Variants in SYNE2 observed in about 807,000 individuals in gnomAD.
SYNE2 encodes spectrin repeat containing nuclear envelope protein 2, also known as nesprin-2.
Under a neutral mutation model 856.3 loss-of-function variants are expected in SYNE2, and 431 were observed. That is an observed-to-expected ratio of 0.50 (90% CI 0.47 to 0.55). SYNE2 has a LOEUF of 0.55. Among genes scored for constraint, SYNE2 ranks in the 20% least tolerant of loss-of-function variants. SYNE2 has a pLI of 0.00. For missense variants in SYNE2, 8,129 were observed against 8,023.2 expected (o/e 1.01, Z -0.50); for synonymous variants, 2,923 against 2,872.3 (o/e 1.02, Z -0.56).
chr14:63,948,931 A>C (rs2096101310), intron 6 of SYNE2, among the ~76,000 whole-genome samples: 1 of 151,076 alleles, frequency 6.6e-6, no homozygotes, highest in African/African-American at 2.4e-5. Context: ...AGTCTTTCAC[A>C]ATTGCTGCAG....
rs1254539667 is a variant in SYNE2 at position 64,048,396 on chromosome 14, CTT to C, written c.7377+242_7377+243del. ...TTCTATTTCACAAAGTTCCTAAAGA[CTT>C]AGTGAGAAAATTTGGAGATTTTGAC... On this transcript the variant is annotated intron_variant, in intron 46 of 115. Coordinates refer to ENST00000555002, the MANE Select transcript of SYNE2 (RefSeq NM_182914.3). 3 of 323,558 alleles carry C rather than the reference CTT, an allele frequency of 9.3e-6. No individual in the cohort carries two copies. In the Admixed American group the frequency reaches 1.4e-4, roughly 15 times the overall value. The allele number at this position is 323,558 out of a possible 1,614,324, so 20.0% of individuals were successfully genotyped here.
chr14:63,984,053 G>A (rs1363458422), intron 18 of SYNE2, among the ~76,000 whole-genome samples, 167 bp downstream of exon 18: 2 of 152,170 alleles, frequency 1.3e-5, no homozygotes, highest in African/African-American at 4.8e-5. Context: ...ATCAGCCTGG[G>A]TAACGTGGCA....
chr14:63,896,050 G>C (rs1001515845), intron 1 of SYNE2, among the ~76,000 whole-genome samples: 3 of 152,152 alleles, frequency 2.0e-5, no homozygotes, highest in Non-Finnish European at 2.9e-5. Context: ...GTAGACAGTG[G>C]TAAAGCAACT....
At chr14:63,888,884 A>G (rs2095058631) in intron 1 of SYNE2, among the ~76,000 whole-genome samples, 2 of 152,152 alleles carry the variant, frequency 1.3e-5, no homozygotes, top group Non-Finnish European at 2.9e-5. Flanking sequence ...AACCAAAAAA[A>G]TTGTGGTATA....
chr14:63,809,739 G>C (rs1201058502), intron 1 of SYNE2, among the ~76,000 whole-genome samples: 2 of 152,106 alleles, frequency 1.3e-5, no homozygotes, highest in Non-Finnish European at 2.9e-5. Flanking sequence ...GGCCTCAAGT[G>C]ATCCTCTTCC....
At chr14:63,892,196 T>C (rs966929413) in intron 1 of SYNE2, among the ~76,000 whole-genome samples, 7 of 146,862 alleles carry the variant, frequency 4.8e-5, no homozygotes, top group African/African-American at 1.5e-4. Flanking sequence ...CGTGCAGTTA[T>C]ATTATTCAAA....
At chr14:64,187,810 C>T (rs766423234) in intron 97 of SYNE2, among the ~76,000 whole-genome samples, 1 of 152,188 alleles carries the variant, frequency 6.6e-6, no homozygotes, top group Non-Finnish European at 1.5e-5. Context: ...TACTTTTGTA[C>T]ATCTAGTTAG....
At chr14:63,872,555 A>G (rs1363014893) in intron 1 of SYNE2, among the ~76,000 whole-genome samples, 1 of 152,072 alleles carries the variant, frequency 6.6e-6, no homozygotes, top group East Asian at 1.9e-4. Context: ...CAGGAGTTTG[A>G]GACCAGCCTG....
rs768214736 is a variant in SYNE2 at position 64,070,670 on chromosome 14, A to G, written c.10457A>G (p.Asp3486Gly). 1.2e-5 allele frequency: 19 copies of G among 1,613,562 alleles called. No individual in the cohort carries two copies. In the African/African-American group the frequency reaches 1.7e-4, roughly 15 times the overall value. Residue 3486 changes from aspartate (D) to glycine (G), a missense_variant, in exon 52 of 116, where the codon GAT becomes GGT. Coordinates refer to ENST00000555002, the MANE Select transcript of SYNE2 (RefSeq NM_182914.3). ...EEIEREAIIL[D>G]NLQEELPEIS... ...ATTGAACGAGAGGCAATTATTTTAGATAATCTTCAGGAAGAACTCCCTGAA... is the reference window on the plus strand; with the variant it reads ...ATTGAACGAGAGGCAATTATTTTAGGTAATCTTCAGGAAGAACTCCCTGAA...
chr14:64,107,378 A>C (rs150002340), intron 64 of SYNE2, 113 bp from the exon 65 acceptor site: 283 of 932,456 alleles, frequency 3.0e-4, no homozygotes, highest in Non-Finnish European at 4.8e-4. Context: ...TGACTTCTCC[A>C]TATCTGACTT....
chr14:63,879,728 AT>A (rs887119237), intron 1 of SYNE2, among the ~76,000 whole-genome samples: 1 of 152,248 alleles, frequency 6.6e-6, no homozygotes, highest in Non-Finnish European at 1.5e-5. Context: ...GGACAAAAGT[AT>A]TTTTGCGTTT....
At chr14:63,989,858 C>A (rs1024309473) in intron 19 of SYNE2, among the ~76,000 whole-genome samples, 1 of 152,014 alleles carries the variant, frequency 6.6e-6, no homozygotes, top group Admixed American at 6.6e-5. Flanking sequence ...CCATGTTGGC[C>A]AGGGTGGTCT....
At chr14:64,029,274 C>A (rs1251681698) in intron 43 of SYNE2, among the ~76,000 whole-genome samples, 1 of 152,186 alleles carries the variant, frequency 6.6e-6, no homozygotes, top group Non-Finnish European at 1.5e-5. Flanking sequence ...CCTGCTTGAA[C>A]AGATAGCAGA....
intron 51 of SYNE2, among the ~76,000 whole-genome samples, chr14:64,066,903 C>T (rs1393999725): frequency 6.6e-6 from 1 of 152,146 alleles, no homozygotes. Context: ...AAGCTGTAAA[C>T]CCCTGTAGGC....
intron 56 of SYNE2, among the ~76,000 whole-genome samples, chr14:64,081,127 A>G (rs936076209): frequency 1.3e-5 from 2 of 152,228 alleles, no homozygotes; most frequent in African/African-American, 4.8e-5. Context: ...GAACAGGAGG[A>G]CAAAGTACAG....
At chr14:64,083,837 G>A (rs2097541020) in intron 57 of SYNE2, among the ~76,000 whole-genome samples, 1 of 152,054 alleles carries the variant, frequency 6.6e-6, no homozygotes, top group African/African-American at 2.4e-5. Context: ...ACAGGTCTTT[G>A]TAACCTAAAG....
intron 1 of SYNE2, among the ~76,000 whole-genome samples, chr14:63,865,997 A>C (rs534304920): frequency 6.6e-6 from 1 of 152,204 alleles, no homozygotes; most frequent in Admixed American, 6.5e-5. Flanking sequence ...TTTTCTTTTC[A>C]TGGAATTTCA....
At chr14:63,930,009 A>G (rs1460904872) in intron 2 of SYNE2, among the ~76,000 whole-genome samples, 1 of 152,088 alleles carries the variant, frequency 6.6e-6, no homozygotes, top group Non-Finnish European at 1.5e-5. Context: ...ATGGGGTCAG[A>G]CATGGTGGCT....
intron 113 of SYNE2, among the ~76,000 whole-genome samples, chr14:64,224,181 CAAA>C (rs35804232): frequency 2.0e-3 from 150 of 74,740 alleles, no homozygotes; most frequent in African/African-American, 7.8e-3. Flanking sequence ...CCCGTCTCTG[CAAA>C]AAAAAAAAAA....
Sources: gnomAD v4.1 joint callset for allele counts (sites outside exome capture counted in the v4.1 genomes callset) on GRCh38, gnomAD v4.1.1 for gene constraint, MANE v1.5 for transcripts, NCBI Gene and HGNC (gene_info 2026-07-23, HGNC 2026-07-21) for gene names.